RBMS2: variants seen among roughly 807,000 people sequenced by gnomAD.
RBMS2 encodes the protein RNA-binding motif, single-stranded-interacting protein 2.
Under a neutral mutation model 58.4 loss-of-function variants are expected in RBMS2, and 38 were observed. The ratio of observed to expected loss-of-function variants is 0.65; its 90% CI spans 0.50 to 0.85. The LOEUF (loss-of-function observed/expected upper bound fraction) is 0.85, where lower values mean the gene tolerates loss of function less well. Among genes scored for constraint, RBMS2 ranks in the 40% least tolerant of loss-of-function variants. RBMS2 has a pLI of 0.00. For missense variants in RBMS2, 367 were observed against 503.7 expected, an observed-to-expected ratio of 0.73 and a Z score of 2.60; for synonymous variants, 151 against 180.7, an observed-to-expected ratio of 0.84 and a Z score of 1.32.
chr12:56,567,836 C>T (rs775872234), intron 2 of RBMS2, among the ~76,000 whole-genome samples: 1 of 152,036 alleles, frequency 6.6e-6, no homozygotes, highest in African/African-American at 2.4e-5. Context: ...GATGCACACA[C>T]ACACACACAA....
chr12:56,570,086 A>G (rs1592455590), intron 4 of RBMS2, 96 bp downstream of exon 4: 3 of 1,137,224 alleles, frequency 2.6e-6, no homozygotes, highest in East Asian at 2.5e-5. Flanking sequence ...GAACCATGAA[A>G]TTGAGTGGGC....
chr12:56,564,825 T>G (rs1406599782), intron 2 of RBMS2, among the ~76,000 whole-genome samples: 1 of 152,080 alleles, frequency 6.6e-6, no homozygotes, highest in Non-Finnish European at 1.5e-5. Context: ...ACTACAAAAA[T>G]TAGCTGGGTG....
At chr12:56,561,750 C>T (rs1231891422) in intron 1 of RBMS2, among the ~76,000 whole-genome samples, 3 of 66,444 alleles carry the variant, frequency 4.5e-5, no homozygotes, top group African/African-American at 8.9e-5. Context: ...CTCCTGACCT[C>T]GTGATCCACC....
chr12:56,588,496 A>C, intron 12 of RBMS2, 122 bp downstream of exon 12: 1 of 933,294 alleles, frequency 1.1e-6, no homozygotes, highest in Non-Finnish European at 1.7e-6. Context: ...GCTGGTAGGT[A>C]TACGAAGAAC....
intron 9 of RBMS2, among the ~76,000 whole-genome samples, chr12:56,584,717 G>A (rs896109110): frequency 6.6e-6 from 1 of 151,686 alleles, no homozygotes; most frequent in Non-Finnish European, 1.5e-5. Context: ...CCTGAGAGGT[G>A]AAGCTTGCAG....
At chr12:56,554,556 G>A (rs1017749944) in intron 1 of RBMS2, among the ~76,000 whole-genome samples, 3 of 152,046 alleles carry the variant, frequency 2.0e-5, no homozygotes, top group Non-Finnish European at 2.9e-5. Context: ...TAGACATAGA[G>A]AGGGGAACAA....
intron 4 of RBMS2, 106 bp from the exon 5 acceptor site, chr12:56,571,592 G>A (rs1310513189): frequency 2.4e-6 from 3 of 1,237,574 alleles, no homozygotes; most frequent in Non-Finnish European, 3.3e-6. Flanking sequence ...TGTTTATGTG[G>A]GACCCTTCCT....
chr12:56,572,716 G>C, intron 5 of RBMS2: 1 of 917,336 alleles, frequency 1.1e-6, no homozygotes, highest in Non-Finnish European at 1.3e-6. Context: ...AGGAGTGGGT[G>C]TTAGAGCAGA....
chr12:56,521,352 G>T (rs1214797769), upstream of RBMS2, among the ~76,000 whole-genome samples: 1 of 151,124 alleles, frequency 6.6e-6, no homozygotes, highest in African/African-American at 2.4e-5. Context: ...ATTGCGGAAG[G>T]TGGAGGTTGC....
rs180934233 is a variant in RBMS2 at position 56,592,319 on chromosome 12, T to A, written c.*3186T>A. ...CTGTTTTCAGTCAGCTAGAACACACTAGAGTCCTTTCCTCAGATGGCATAA... is the reference window on the plus strand; with the variant it reads ...CTGTTTTCAGTCAGCTAGAACACACAAGAGTCCTTTCCTCAGATGGCATAA... On this transcript the variant is annotated 3_prime_UTR_variant, in exon 14 of 14. Transcript: ENST00000262031. 5.9e-5 allele frequency: 9 copies of A among 152,148 alleles called. No individual in the cohort carries two copies. The highest frequency in any genetic ancestry group is 2.2e-4 in the African/African-American group (9 of 41,430). 9.4% of individuals were successfully genotyped at this position (152,148 alleles called of 1,614,324 possible).
chr12:56,572,262 C>A (rs996032094), intron 5 of RBMS2, among the ~76,000 whole-genome samples: 4 of 142,582 alleles, frequency 2.8e-5, no homozygotes, highest in Non-Finnish European at 6.0e-5. Flanking sequence ...GCACTGCAGC[C>A]TGGGGAACAG....
At chr12:56,567,464 A>G (rs1230345499) in intron 2 of RBMS2, among the ~76,000 whole-genome samples, 1 of 151,638 alleles carries the variant, frequency 6.6e-6, no homozygotes, top group Admixed American at 6.6e-5. Flanking sequence ...AAAGAAGAAG[A>G]AGGAAGAAGA....
In RBMS2 at chr12:56,591,249, C is replaced by A. The variant is rs1427647958; in HGVS notation, c.*2116C>A. ...GGCCATAGGGAGAGGAAGGGGGTGA[C>A]AGCAGGGGAAAAGAAACTGTAGTAT... On this transcript the variant is annotated 3_prime_UTR_variant, in exon 14 of 14. Coordinates refer to ENST00000262031, the MANE Select transcript of RBMS2 (RefSeq NM_002898.4). 6.6e-6 allele frequency: 1 copy of A among 152,104 alleles called. No individual in the cohort carries two copies. The highest frequency in any genetic ancestry group is 1.5e-5 in the Non-Finnish European group (1 of 68,064). The allele number at this position is 152,104 out of a possible 1,614,324, so 9.4% of individuals were successfully genotyped here. A position where few individuals can be genotyped will look rare whatever the true frequency, so the allele number is the denominator to read the frequency against.
chr12:56,549,475 T>A (rs554979877), intron 1 of RBMS2, among the ~76,000 whole-genome samples: 1 of 152,264 alleles, frequency 6.6e-6, no homozygotes, highest in Non-Finnish European at 1.5e-5. Flanking sequence ...GGAAGGACAC[T>A]CTCTTTTCTC....
intron 2 of RBMS2, among the ~76,000 whole-genome samples, chr12:56,568,049 C>G (rs1244730620): frequency 2.6e-5 from 4 of 152,156 alleles, no homozygotes; most frequent in Admixed American, 6.5e-5. Flanking sequence ...CCTAACAATC[C>G]TATCTCCATT....
At chr12:56,543,446 T>C (rs530589554) in intron 1 of RBMS2, among the ~76,000 whole-genome samples, 158 of 151,612 alleles carry the variant, frequency 1.0e-3, no homozygotes, top group Middle Eastern at 6.8e-3. Context: ...GATCATGCCA[T>C]TACTCTTCAG....
At chr12:56,564,989 G>A (rs1399874112) in intron 2 of RBMS2, among the ~76,000 whole-genome samples, 1 of 152,126 alleles carries the variant, frequency 6.6e-6, no homozygotes, top group East Asian at 1.9e-4. Context: ...CACAGCCTGG[G>A]TGACAGAGCA....
intron 1 of RBMS2, among the ~76,000 whole-genome samples, chr12:56,538,576 G>T (rs2939308): frequency 0.61 from 91,050 of 149,460 alleles, 28,098 homozygotes; most frequent in East Asian, 0.72. Context: ...TCCGCCTCCC[G>T]GGTACAAGCA....
At chr12:56,569,171 G>T in intron 3 of RBMS2, 138 bp downstream of exon 3, 1 of 790,118 alleles carries the variant, frequency 1.3e-6, no homozygotes. Context: ...AAAAGATTAG[G>T]AGATATTTAG....
Sources: allele counts gnomAD v4.1 joint callset (sites outside exome capture counted in the v4.1 genomes callset), GRCh38; gene constraint gnomAD v4.1.1; transcripts MANE v1.5; gene names NCBI Gene and HGNC (gene_info 2026-07-23, HGNC 2026-07-21).